Variants in PPARGC1A observed in about 807,000 individuals in gnomAD.
PPARGC1A encodes peroxisome proliferator-activated receptor gamma coactivator 1-alpha.
In PPARGC1A, 25 loss-of-function variants were observed where a neutral mutation model predicts 88.7. The observed-to-expected ratio is 0.28, with a 90% CI of 0.21 to 0.39. PPARGC1A has a LOEUF of 0.39. PPARGC1A is among the 10% of genes least tolerant of loss of function. The probability of loss-of-function intolerance (pLI) is 1.00; values close to 1 mark genes in which losing one functional copy is unlikely to be tolerated. For missense variants in PPARGC1A, 880 were observed against 968.7 expected, an observed-to-expected ratio of 0.91 and a Z score of 1.22; for synonymous variants, 363 against 355.6, an observed-to-expected ratio of 1.02 and a Z score of -0.24.
At chr4:24,418,335 C>T in the PPARGC1A span, among the ~76,000 whole-genome samples, 37 of 152,110 alleles carry the variant, frequency 2.4e-4, no homozygotes, top group African/African-American at 8.2e-4. Flanking sequence ...CTACATCAAG[C>T]GTTAACTAGT....
At chr4:24,386,047 A>T in the PPARGC1A span, among the ~76,000 whole-genome samples, 1 of 152,220 alleles carries the variant, frequency 6.6e-6, no homozygotes. Context: ...ATCAACCATG[A>T]TCAAGTCAGC....
chr4:24,033,134 C>T, the PPARGC1A span, among the ~76,000 whole-genome samples: 4 of 152,250 alleles, frequency 2.6e-5, no homozygotes, highest in East Asian at 1.9e-4. Context: ...ATAGGCTCAG[C>T]GGTCAGACTT....
At chr4:24,315,678 G>A in the PPARGC1A span, among the ~76,000 whole-genome samples, 2 of 152,148 alleles carry the variant, frequency 1.3e-5, no homozygotes, top group Non-Finnish European at 2.9e-5. Flanking sequence ...TCACAACTGA[G>A]GAAACGCTAC....
chr4:24,217,289 A>G, the PPARGC1A span, among the ~76,000 whole-genome samples: 1 of 152,216 alleles, frequency 6.6e-6, no homozygotes, highest in Non-Finnish European at 1.5e-5. Flanking sequence ...AGGCAGAATT[A>G]ACAATGGGTT....
chr4:24,449,005 T>C, the PPARGC1A span, among the ~76,000 whole-genome samples: 5 of 152,146 alleles, frequency 3.3e-5, no homozygotes, highest in Admixed American at 2.0e-4. Context: ...AAATAAAAAT[T>C]TGAACATCAT....
chr4:24,408,824 C>T, the PPARGC1A span, among the ~76,000 whole-genome samples: 6 of 152,310 alleles, frequency 3.9e-5, no homozygotes, highest in East Asian at 9.6e-4. Context: ...ACTGCCCTGC[C>T]GAGCCCAGCC....
At chr4:24,216,121 C>G in the PPARGC1A span, among the ~76,000 whole-genome samples, 1 of 149,272 alleles carries the variant, frequency 6.7e-6, no homozygotes, top group Non-Finnish European at 1.5e-5. Context: ...CAACAAAGGC[C>G]CATCCATTTT....
chr4:24,208,854 C>T, the PPARGC1A span, among the ~76,000 whole-genome samples: 1 of 152,130 alleles, frequency 6.6e-6, no homozygotes, highest in Admixed American at 6.5e-5. Context: ...TATTGCAACT[C>T]TATAATGAGA....
chr4:24,075,212 C>A, the PPARGC1A span, among the ~76,000 whole-genome samples: 1 of 152,142 alleles, frequency 6.6e-6, no homozygotes, highest in African/African-American at 2.4e-5. Flanking sequence ...TTTCTAAAAA[C>A]AACGAAGTTG....
chr4:24,156,028 A>C, the PPARGC1A span, among the ~76,000 whole-genome samples: 1 of 152,208 alleles, frequency 6.6e-6, no homozygotes, highest in Non-Finnish European at 1.5e-5. Flanking sequence ...TCCACTCATC[A>C]TAAAACTCAA....
At chr4:24,470,928 C>T in the PPARGC1A span, among the ~76,000 whole-genome samples, 1 of 151,788 alleles carries the variant, frequency 6.6e-6, no homozygotes, top group Non-Finnish European at 1.5e-5. This position sits in a 1 kb window ranked among gnomAD's most constrained non-coding sequence, Gnocchi z 5.8. Flanking sequence ...TGGGGTGATG[C>T]GGAGGCGGCG....
the PPARGC1A span, among the ~76,000 whole-genome samples, chr4:23,949,072 G>A: frequency 6.6e-6 from 1 of 152,110 alleles, no homozygotes; most frequent in Non-Finnish European, 1.5e-5. Context: ...CAAATGGATA[G>A]CTTCATAGCA....
chr4:24,334,418 T>C, the PPARGC1A span, among the ~76,000 whole-genome samples: 1 of 152,190 alleles, frequency 6.6e-6, no homozygotes, highest in East Asian at 1.9e-4. Flanking sequence ...TGAAAAAATA[T>C]TGTCAGGTAC....
At chr4:24,387,585 ATGGTAGCTCATGC>A in the PPARGC1A span, among the ~76,000 whole-genome samples, 2 of 151,776 alleles carry the variant, frequency 1.3e-5, no homozygotes, top group Non-Finnish European at 2.9e-5. Context: ...TTAGCTGAGC[ATGGTAGCTCATGC>A]TGGTAGCGCA....
At chr4:24,299,439 A>G in the PPARGC1A span, among the ~76,000 whole-genome samples, 1 of 152,284 alleles carries the variant, frequency 6.6e-6, no homozygotes, top group East Asian at 1.9e-4. Flanking sequence ...TACAGAAGTC[A>G]ATATATGGGC....
At chr4:24,407,821 GA>G in the PPARGC1A span, among the ~76,000 whole-genome samples, 3 of 152,130 alleles carry the variant, frequency 2.0e-5, no homozygotes, top group East Asian at 5.8e-4. Context: ...TAAAGTATCT[GA>G]AATGCTGCCT....
chr4:24,082,608 A>G, the PPARGC1A span, among the ~76,000 whole-genome samples: 2 of 152,170 alleles, frequency 1.3e-5, no homozygotes, highest in African/African-American at 2.4e-5. Flanking sequence ...AGGATTTCAC[A>G]CTTCTTTTGA....
At chr4:24,354,780 G>A in the PPARGC1A span, among the ~76,000 whole-genome samples, 5 of 152,068 alleles carry the variant, frequency 3.3e-5, no homozygotes, top group East Asian at 1.9e-4. Context: ...CCAGCTACTC[G>A]GGAGGCTGAG....
intron 2 of PPARGC1A, among the ~76,000 whole-genome samples, chr4:23,862,633 T>C (rs1214271133): frequency 6.6e-6 from 1 of 152,198 alleles, no homozygotes; most frequent in Admixed American, 6.5e-5. Flanking sequence ...TAGTTTTTAT[T>C]TTTTTAATTA....
Sources: allele counts gnomAD v4.1 joint callset (sites outside exome capture counted in the v4.1 genomes callset), GRCh38; gene constraint gnomAD v4.1.1; non-coding constraint Gnocchi (gnomAD v3.1); transcripts MANE v1.5; gene names NCBI Gene and HGNC (gene_info 2026-07-23, HGNC 2026-07-21).